The following CD96 variants were observed in gnomAD, a reference collection of about 807,000 sequenced individuals.
CD96 encodes the protein CD96 molecule.
In CD96, 70 loss-of-function variants were observed where a neutral mutation model predicts 71.3. That is an observed-to-expected ratio of 0.98 (90% CI 0.81 to 1.20). CD96 has a LOEUF of 1.20. Ranked by LOEUF, CD96 falls within the 50% of genes most tolerant of loss-of-function variation. The pLI, the probability that CD96 is intolerant of heterozygous loss-of-function variation, is 0.00. For missense variants in CD96, 742 were observed against 677.5 expected, an observed-to-expected ratio of 1.10 and a Z score of -1.06; for synonymous variants, 248 against 233.0, an observed-to-expected ratio of 1.06 and a Z score of -0.59.
intron 5 of CD96, among the ~76,000 whole-genome samples, chr3:111,592,715 C>T (rs745928489): frequency 5.3e-5 from 8 of 152,096 alleles, no homozygotes; most frequent in Non-Finnish European, 1.2e-4. Flanking sequence ...TCACTAACTC[C>T]TTTTCCTTTG....
At chr3:111,561,658 TTTTG>T (rs1357763756) in intron 2 of CD96, among the ~76,000 whole-genome samples, 5 of 134,638 alleles carry the variant, frequency 3.7e-5, no homozygotes, top group African/African-American at 1.1e-4. Flanking sequence ...ACTGCTGTCT[TTTTG>T]TTTGTCTGTG....
chr3:111,649,466 A>C (rs1939980167), intron 13 of CD96, among the ~76,000 whole-genome samples: 1 of 152,266 alleles, frequency 6.6e-6, no homozygotes. Context: ...CAAAGTAAAT[A>C]ATGTTATGAT....
intron 8 of CD96, among the ~76,000 whole-genome samples, chr3:111,613,971 A>G (rs1041663667): frequency 6.6e-6 from 1 of 152,340 alleles, no homozygotes; most frequent in Non-Finnish European, 1.5e-5. Flanking sequence ...TCTCTGTTCA[A>G]ATGAGATATA....
intron 1 of CD96, 144 bp downstream of exon 1, chr3:111,542,453 A>C: frequency 1.4e-6 from 1 of 693,710 alleles, no homozygotes; most frequent in East Asian, 2.7e-5. Flanking sequence ...TTATGTATTT[A>C]AGCGGCAGGT....
At chr3:111,660,688 A>C (rs1441177088) in intron 14 of CD96, among the ~76,000 whole-genome samples, 1 of 152,222 alleles carries the variant, frequency 6.6e-6, no homozygotes, top group Non-Finnish European at 1.5e-5. Context: ...CCCGTGCAAC[A>C]GAATAGAAAA....
At chr3:111,615,891 A>G (rs1045668232) in intron 8 of CD96, among the ~76,000 whole-genome samples, 14 of 152,182 alleles carry the variant, frequency 9.2e-5, no homozygotes, top group African/African-American at 3.4e-4. Flanking sequence ...TGTTTCTTCA[A>G]CATACCAGGA....
At chr3:111,546,919 T>TACACACACACACAC (rs60838213) in intron 2 of CD96, among the ~76,000 whole-genome samples, 2,978 of 138,126 alleles carry the variant, frequency 0.022, 100 homozygotes, top group African/African-American at 0.058. Flanking sequence ...CACAGACACA[T>TACACACACACACAC]ACACACACAC....
intron 7 of CD96, among the ~76,000 whole-genome samples, chr3:111,603,773 A>G (rs1262341506): frequency 6.6e-6 from 1 of 152,176 alleles, no homozygotes; most frequent in Non-Finnish European, 1.5e-5. Context: ...ATGCATGTGT[A>G]TCTTCGCATG....
chr3:111,581,436 C>A (rs1393275697), intron 4 of CD96, among the ~76,000 whole-genome samples: 3 of 152,148 alleles, frequency 2.0e-5, no homozygotes, highest in Admixed American at 1.3e-4. Context: ...AAATCAATAC[C>A]CAAATATATA....
intron 7 of CD96, among the ~76,000 whole-genome samples, chr3:111,601,979 A>G (rs1054633633): frequency 2.0e-5 from 3 of 152,176 alleles, no homozygotes; most frequent in African/African-American, 7.2e-5. Flanking sequence ...GTGTATATGT[A>G]TATGTATGAA....
chr3:111,544,095 T>G (rs58464317), intron 1 of CD96, among the ~76,000 whole-genome samples: 18,041 of 152,210 alleles, frequency 0.12, 1,161 homozygotes, highest in Non-Finnish European at 0.13. Context: ...CCACAGACTC[T>G]GGGCAACTGA....
chr3:111,629,388 A>G (rs1292167254), intron 10 of CD96, among the ~76,000 whole-genome samples: 3 of 152,170 alleles, frequency 2.0e-5, no homozygotes, highest in Non-Finnish European at 2.9e-5. Context: ...AGCATACTTT[A>G]AACCAACAAA....
At chr3:111,626,500 A>G (rs1393118558) in intron 10 of CD96, among the ~76,000 whole-genome samples, 1 of 152,180 alleles carries the variant, frequency 6.6e-6, no homozygotes, top group African/African-American at 2.4e-5. Flanking sequence ...TGGTGGTACC[A>G]TCACTTTCCA....
intron 10 of CD96, among the ~76,000 whole-genome samples, chr3:111,629,125 C>T (rs1275071769): frequency 6.6e-6 from 1 of 152,158 alleles, no homozygotes; most frequent in Non-Finnish European, 1.5e-5. Flanking sequence ...AAATAACCAG[C>T]TAGCATCATG....
At chr3:111,605,161 AT>A (rs1937588884) in intron 7 of CD96, among the ~76,000 whole-genome samples, 1 of 152,194 alleles carries the variant, frequency 6.6e-6, no homozygotes, top group African/African-American at 2.4e-5. Context: ...GAATCCATAA[AT>A]ATGGTGTGGA....
At chr3:111,642,778 G>C (rs938685635) in intron 12 of CD96, among the ~76,000 whole-genome samples, 1 of 151,866 alleles carries the variant, frequency 6.6e-6, no homozygotes, top group Non-Finnish European at 1.5e-5. Context: ...TTGCACTCCA[G>C]CCTGGGTGAC....
At position 111,649,805 on chromosome 3, in the gene CD96, A is replaced by C; in HGVS notation, c.1709A>C (p.Ter570SerextTer16). Residue 570 changes from the stop codon to serine, a stop_lost, in exon 14 of 14, where the codon TAG (stop) becomes TCG (serine). Transcript: ENST00000352690. ...CCTTATCATGAGATGGAGACCCTCT[A>C]GTCTCGTGAGACTTTGCCCCATGGC... is the stretch of plus-strand genomic sequence containing the variant. ...DLPYHEMETL[*>S] 2 of 1,566,716 alleles carry C rather than the reference A, an allele frequency of 1.3e-6. No individual in the cohort carries two copies. Among genetic ancestry groups the C allele is most frequent in the Non-Finnish European group, 1.8e-6 (2 of 1,136,722 alleles).
chr3:111,618,588 T>TC, intron 8 of CD96, among the ~76,000 whole-genome samples: 1 of 149,408 alleles, frequency 6.7e-6, no homozygotes, highest in East Asian at 1.9e-4. Context: ...CTCTCTTTTT[T>TC]TTTTTTTTTT....
downstream of CD96, among the ~76,000 whole-genome samples, chr3:111,653,243 A>G (rs1940149827): frequency 6.6e-6 from 1 of 152,138 alleles, no homozygotes; most frequent in African/African-American, 2.4e-5. Flanking sequence ...AGTACCACCC[A>G]AGGCTGGTCC....
Sources: gnomAD v4.1 joint callset for allele counts (sites outside exome capture counted in the v4.1 genomes callset) on GRCh38, gnomAD v4.1.1 for gene constraint, MANE v1.5 for transcripts, NCBI Gene and HGNC (gene_info 2026-07-23, HGNC 2026-07-21) for gene names.